The following KAZN variants were observed in gnomAD, a reference collection of about 807,000 sequenced individuals.
The protein encoded by KAZN is kazrin.
A neutral mutation model predicts 87.4 loss-of-function variants in KAZN; 40 were observed. The ratio of observed to expected loss-of-function variants is 0.46; its 90% CI spans 0.36 to 0.60. KAZN has a LOEUF of 0.60. Ranked by LOEUF, KAZN falls within the 20% of genes least tolerant of loss-of-function variation. KAZN has a pLI of 0.00. For missense variants in KAZN, 898 were observed against 1,073.9 expected (o/e 0.84, Z 2.29); for synonymous variants, 466 against 458.3 (o/e 1.02, Z -0.22).
intron 2 of KAZN, among the ~76,000 whole-genome samples, chr1:15,014,433 C>T (rs1389411109): frequency 6.6e-6 from 1 of 152,132 alleles, no homozygotes; most frequent in African/African-American, 2.4e-5. Flanking sequence ...ATCATTGCTG[C>T]TCCTGTTGGT....
intron 10 of KAZN, among the ~76,000 whole-genome samples, chr1:15,100,742 G>A (rs1641022777): frequency 6.6e-6 from 1 of 152,188 alleles, no homozygotes; most frequent in Non-Finnish European, 1.5e-5. Flanking sequence ...CTTTAATTCT[G>A]ACTCCAAGAT....
chr1:14,417,188 A>T (rs1664863140), intron 2 of KAZN, among the ~76,000 whole-genome samples: 3 of 152,030 alleles, frequency 2.0e-5, no homozygotes, highest in South Asian at 4.1e-4. Context: ...AAAATAAAAA[A>T]AAAAAAAGGA....
In KAZN at chr1:15,021,579, C is replaced by T. The variant is rs192693933; in HGVS notation, c.419-13170C>T. Among the ~76,000 whole-genome samples, 221 of 152,184 alleles carry T rather than the reference C, an allele frequency of 1.5e-3. No homozygotes were observed. Among genetic ancestry groups the T allele is most frequent in the South Asian group, 8.5e-3 (41 of 4,826 alleles). On this transcript the variant is annotated intron_variant, in intron 2 of 14. Transcript: ENST00000376030. This position sits in a 1 kb window ranked among gnomAD's most constrained non-coding sequence, Gnocchi z 4.2. ...GCAGTGGGGGCCTGCTTCCCGGGGCCCTCCGCCCTCCTGGCTTCCAGGTGA... is the reference window on the plus strand; with the variant it reads ...GCAGTGGGGGCCTGCTTCCCGGGGCTCTCCGCCCTCCTGGCTTCCAGGTGA...
intron 8 of KAZN, among the ~76,000 whole-genome samples, chr1:15,087,454 G>A (rs1261829340): frequency 1.3e-5 from 2 of 150,008 alleles, no homozygotes; most frequent in African/African-American, 2.5e-5. Context: ...GTGTAGTGGC[G>A]TGATCTCAGC....
chr1:14,873,452 T>C (rs544413072), intron 1 of KAZN, among the ~76,000 whole-genome samples: 9 of 152,150 alleles, frequency 5.9e-5, no homozygotes, highest in South Asian at 2.1e-4. Flanking sequence ...AAAGCAGCAT[T>C]TGAGAAAGCC....
At chr1:14,199,247 G>A (rs533048899) in intron 2 of KAZN, among the ~76,000 whole-genome samples, 1 of 152,166 alleles carries the variant, frequency 6.6e-6, no homozygotes, top group East Asian at 1.9e-4. Flanking sequence ...CAACCATCCA[G>A]TTTCCTCAGG....
At chr1:14,182,707 CTT>C (rs1192913140) in intron 2 of KAZN, among the ~76,000 whole-genome samples, 2 of 152,078 alleles carry the variant, frequency 1.3e-5, no homozygotes, top group Non-Finnish European at 1.5e-5. Flanking sequence ...AAAAAAGACT[CTT>C]TATTGGGCAT....
intron 2 of KAZN, among the ~76,000 whole-genome samples, chr1:14,278,127 G>A (rs1367613098): frequency 9.7e-5 from 13 of 133,502 alleles, no homozygotes; most frequent in South Asian, 4.7e-4. Flanking sequence ...TCAAGATCGC[G>A]CCACTGCACT....
chr1:13,923,583 A>G (rs78179577), intron 1 of KAZN, among the ~76,000 whole-genome samples: 1 of 131,954 alleles, frequency 7.6e-6, no homozygotes, highest in African/African-American at 2.7e-5. Context: ...AAAAAAAAAA[A>G]AAAAAAAAAT....
chr1:15,083,630 G>A (rs906787389), intron 8 of KAZN, among the ~76,000 whole-genome samples: 5 of 152,110 alleles, frequency 3.3e-5, no homozygotes, highest in Admixed American at 2.6e-4. Flanking sequence ...TGTCTTTCCC[G>A]ATCACAGGCC....
chr1:14,830,734 CA>C (rs1647028504), intron 1 of KAZN, among the ~76,000 whole-genome samples: 1 of 152,102 alleles, frequency 6.6e-6, no homozygotes, highest in African/African-American at 2.4e-5. Context: ...AAGACAGCAC[CA>C]GGGGGATGGT....
intron 1 of KAZN, among the ~76,000 whole-genome samples, chr1:14,738,382 C>A (rs1479957370): frequency 6.6e-6 from 1 of 151,984 alleles, no homozygotes; most frequent in Non-Finnish European, 1.5e-5. Flanking sequence ...CACAGCAGTG[C>A]CCTGAACCCT....
At chr1:13,966,431 G>A (rs1177675581) in intron 1 of KAZN, among the ~76,000 whole-genome samples, 3 of 152,188 alleles carry the variant, frequency 2.0e-5, no homozygotes, top group Non-Finnish European at 2.9e-5. Flanking sequence ...GTGCTTTCTG[G>A]GGGTGGGGTC....
At chr1:15,083,428 G>A (rs773809651) in intron 8 of KAZN, among the ~76,000 whole-genome samples, 9 of 152,118 alleles carry the variant, frequency 5.9e-5, no homozygotes, top group African/African-American at 1.4e-4. Flanking sequence ...GCTCACCCCC[G>A]CCAAAGTCTA....
At chr1:14,528,661 A>G (rs1208775650) in intron 2 of KAZN, among the ~76,000 whole-genome samples, 1 of 149,328 alleles carries the variant, frequency 6.7e-6, no homozygotes, top group Non-Finnish European at 1.5e-5. Context: ...AAACGGGAAG[A>G]TCGCCTGAGC....
chr1:14,449,895 A>G (rs1253359351), intron 2 of KAZN, among the ~76,000 whole-genome samples: 1 of 152,134 alleles, frequency 6.6e-6, no homozygotes, highest in Non-Finnish European at 1.5e-5. Context: ...TTCTGACTCT[A>G]AGTTTGAGAA....
chr1:14,673,920 C>T (rs976555730), intron 1 of KAZN, among the ~76,000 whole-genome samples: 2 of 152,182 alleles, frequency 1.3e-5, no homozygotes, highest in Admixed American at 6.5e-5. Context: ...CACCACTGGA[C>T]TTTGGTTAGA....
chr1:14,290,729 G>A (rs1488954214), intron 2 of KAZN, among the ~76,000 whole-genome samples: 1 of 152,168 alleles, frequency 6.6e-6, no homozygotes, highest in Non-Finnish European at 1.5e-5. Flanking sequence ...TGCTGGCCAG[G>A]AGCTGAGATT....
chr1:14,554,265 A>ACAGC (rs1308802039), intron 2 of KAZN, among the ~76,000 whole-genome samples: 1 of 144,058 alleles, frequency 6.9e-6, no homozygotes, highest in African/African-American at 2.9e-5. Context: ...GTCTCCACCT[A>ACAGC]CAGCCACACA....
Sources: gnomAD v4.1 joint callset for allele counts (sites outside exome capture counted in the v4.1 genomes callset) on GRCh38, gnomAD v4.1.1 for gene constraint, Gnocchi (gnomAD v3.1) non-coding constraint, MANE v1.5 for transcripts, NCBI Gene and HGNC (gene_info 2026-07-23, HGNC 2026-07-21) for gene names.